The following KANSL1 variants were observed in gnomAD, a reference collection of about 807,000 sequenced individuals.
The protein encoded by KANSL1 is KAT8 regulatory NSL complex subunit 1.
In KANSL1, 22 loss-of-function variants were observed where a neutral mutation model predicts 103.6. The observed-to-expected ratio is 0.21, with a 90% CI of 0.15 to 0.30. The LOEUF (loss-of-function observed/expected upper bound fraction) is 0.30, where lower values mean the gene tolerates loss of function less well. KANSL1 is among the 10% of genes least tolerant of loss of function. The pLI is 1.00. For synonymous variants in KANSL1, 600 were observed against 527.6 expected (o/e 1.14, Z -1.88); for missense variants, 1,337 against 1,399.8 (o/e 0.96, Z 0.72).
At chr17:46,210,918 G>A (rs2732628) in intron 1 of KANSL1, among the ~76,000 whole-genome samples, 18,438 of 149,944 alleles carry the variant, frequency 0.12, 22 homozygotes, top group Middle Eastern at 0.19. Flanking sequence ...AGCAGTTCCC[G>A]TGTAGACAAA....
intron 4 of KANSL1, among the ~76,000 whole-genome samples, chr17:46,067,947 AT>A (rs1442744541): frequency 6.6e-6 from 1 of 151,390 alleles, no homozygotes; most frequent in Non-Finnish European, 1.5e-5. Context: ...CTCATCTCTA[AT>A]TAAAAAGAGA....
At chr17:46,096,807 CG>C (rs2042107702) in intron 2 of KANSL1, among the ~76,000 whole-genome samples, 1 of 151,948 alleles carries the variant, frequency 6.6e-6, no homozygotes, top group East Asian at 1.9e-4. Context: ...TTAGTAGAGA[CG>C]GGGTTTCACT....
At chr17:46,192,151 G>A (rs1486229175) in intron 1 of KANSL1, among the ~76,000 whole-genome samples, 2 of 152,166 alleles carry the variant, frequency 1.3e-5, no homozygotes, top group South Asian at 2.1e-4. Flanking sequence ...TGGAAAACGA[G>A]GATTTTTAAG....
Position 46,050,718 on chromosome 17 carries a change from C to T in KANSL1, c.1849-14G>A. ...GTTCCGGTGAACCTGTGAAAAAAGC[C>T]AAACAAAACTGACAATTCAGCATCT... On this transcript the variant is annotated splice_polypyrimidine_tract_variant and intron_variant, in intron 6 of 14. Coordinates refer to ENST00000432791, the MANE Select transcript of KANSL1 (RefSeq NM_015443.4). The T allele has an allele frequency of 6.2e-7, 1 of 1,600,324 alleles. No individual in the cohort carries two copies. The highest frequency in any genetic ancestry group is 1.3e-5 in the African/African-American group (1 of 74,770).
chr17:46,085,962 G>A (rs181568606), intron 3 of KANSL1, among the ~76,000 whole-genome samples: 1 of 152,282 alleles, frequency 6.6e-6, no homozygotes, highest in African/African-American at 2.4e-5. Flanking sequence ...TATTGAAGAT[G>A]TGGACAAAAT....
At chr17:46,197,745 T>A (rs2047661349), upstream of KANSL1, among the ~76,000 whole-genome samples, 1 of 152,250 alleles carries the variant, frequency 6.6e-6, no homozygotes, top group Non-Finnish European at 1.5e-5. Context: ...TCTTGCCACC[T>A]CAAGCCAGCC....
intron 1 of KANSL1, among the ~76,000 whole-genome samples, chr17:46,190,935 C>G (rs968641162): frequency 9.9e-5 from 15 of 152,204 alleles, no homozygotes; most frequent in Non-Finnish European, 4.4e-5. Context: ...TATCACATGA[C>G]ATGATGTAAC....
Position 46,033,184 on chromosome 17 carries a change from G to A in KANSL1, c.2733C>T (p.Asp911=). The A allele has an allele frequency of 6.3e-7, 1 of 1,598,660 alleles. No homozygotes were observed. Among genetic ancestry groups the A allele is most frequent in the Non-Finnish European group, 8.5e-7 (1 of 1,171,194 alleles). The part of the protein sequence containing the change: ...SPDEENEEIE[D]LSDAAFAALH... ...GGGCGGCGAAGGCTGCGTCGGATAG[G>A]TCCTCAATCTGCAATAGAGCAGCTT... is the stretch of plus-strand genomic sequence containing the variant. The change falls in exon 13 of 15, where the codon GAC becomes GAT. Residue 911 remains aspartate, a synonymous_variant. Coordinates refer to ENST00000432791, the MANE Select transcript of KANSL1 (RefSeq NM_015443.4).
intron 10 of KANSL1, chr17:46,038,233 T>C: frequency 2.8e-6 from 1 of 362,906 alleles, no homozygotes; most frequent in South Asian, 6.1e-5. Flanking sequence ...GTGTGAAACT[T>C]AGTCCAACAG....
intron 2 of KANSL1, among the ~76,000 whole-genome samples, chr17:46,098,791 C>T (rs2146986490): frequency 6.6e-6 from 1 of 152,342 alleles, no homozygotes; most frequent in Middle Eastern, 3.4e-3. Flanking sequence ...TTCCATAATG[C>T]TGCTCAAACT....
rs112238860 is a variant in KANSL1, at chr17:46,034,404, G to C, written c.2542-119C>G. On this transcript the variant is annotated intron_variant, in intron 10 of 14. Coordinates refer to ENST00000432791, the MANE Select transcript of KANSL1 (RefSeq NM_015443.4). ...GCATCTGGGTCCTTGGGTTGAAGCT[G>C]AGTAATGACCATAGCAGCTGCTCCC... 1.6e-4 allele frequency: 181 copies of C among 1,098,020 alleles called. No homozygotes were observed. In the African/African-American group the frequency reaches 2.4e-3, roughly 15 times the overall value. The allele number at this position is 1,098,020 out of a possible 1,614,324, so 68.0% of individuals were successfully genotyped here.
intron 2 of KANSL1, chr17:46,170,255 T>C (rs1229474474): frequency 9.3e-6 from 1 of 107,512 alleles, no homozygotes; most frequent in Non-Finnish European, 2.3e-5. Context: ...AAATGGGCTT[T>C]TTTTTTTTTT....
chr17:46,120,979 G>A (rs2043254155), intron 2 of KANSL1, among the ~76,000 whole-genome samples: 2 of 152,222 alleles, frequency 1.3e-5, no homozygotes, highest in African/African-American at 4.8e-5. Flanking sequence ...TCTCAGTAAA[G>A]AGCAATACCT....
intron 2 of KANSL1, among the ~76,000 whole-genome samples, chr17:46,108,444 T>C (rs1044701671): frequency 5.3e-5 from 8 of 152,200 alleles, no homozygotes; most frequent in African/African-American, 1.9e-4. Flanking sequence ...CCTCTCCAAA[T>C]ACCCCCTACA....
intron 9 of KANSL1, 168 bp from the exon 10 acceptor site, chr17:46,038,854 G>A (rs2077227962): frequency 2.7e-6 from 3 of 1,113,940 alleles, no homozygotes; most frequent in Non-Finnish European, 3.9e-6. Context: ...GCAGGGCAGA[G>A]GTTGCTGTAG....
intron 1 of KANSL1, among the ~76,000 whole-genome samples, chr17:46,187,104 C>T (rs1233469918): frequency 6.6e-6 from 1 of 152,062 alleles, no homozygotes; most frequent in African/African-American, 2.4e-5. Context: ...TAGCTTTGAG[C>T]CTCTTTCCCT....
At chr17:46,112,690 C>CAA (rs1364293071) in intron 2 of KANSL1, among the ~76,000 whole-genome samples, 1 of 150,692 alleles carries the variant, frequency 6.6e-6, no homozygotes, top group Non-Finnish European at 1.5e-5. Context: ...CTCCAAAAAA[C>CAA]AAAACAAAAC....
intron 2 of KANSL1, among the ~76,000 whole-genome samples, chr17:46,107,294 A>C (rs981354526): frequency 6.6e-6 from 1 of 152,186 alleles, no homozygotes. Context: ...GCAAATACTC[A>C]TTATTCTAAT....
At chr17:46,034,535 A>C (rs1295756999) in intron 10 of KANSL1, 1 of 412,146 alleles carries the variant, frequency 2.4e-6, no homozygotes, top group Non-Finnish European at 4.4e-6. Flanking sequence ...TCTTCCTTCA[A>C]GGGCTCATGC....
Sources: gnomAD v4.1 joint callset for allele counts (sites outside exome capture counted in the v4.1 genomes callset) on GRCh38, gnomAD v4.1.1 for gene constraint, MANE v1.5 for transcripts, NCBI Gene and HGNC (gene_info 2026-07-23, HGNC 2026-07-21) for gene names.